KLHL4: variants seen among roughly 807,000 people sequenced by gnomAD.
KLHL4 encodes the protein kelch like family member 4, also known as kelch-like protein 4.
A neutral mutation model predicts 45.8 loss-of-function variants in KLHL4; 17 were observed. The ratio of observed to expected loss-of-function variants is 0.37; its 90% confidence interval spans 0.25 to 0.56. KLHL4 has a LOEUF of 0.56. Among genes scored for constraint, KLHL4 ranks in the 20% least tolerant of loss-of-function variants. The pLI is 0.79. For missense variants in KLHL4, 544 were observed against 544.9 expected (o/e 1.00, Z 0.02); for synonymous variants, 224 against 189.9 (o/e 1.18, Z -1.47).
At position 87,667,530 on chromosome X, in the gene KLHL4, C is replaced by T; in HGVS notation, c.*996C>T. On this transcript the variant is annotated 3_prime_UTR_variant, in exon 11 of 11. Coordinates refer to ENST00000373119, the MANE Select transcript of KLHL4 (RefSeq NM_019117.5). ...TCTATAGTTATCTTTTTTGTACCAA[C>T]ACATGCTTTTCTGTTACTGTTATAT... The T allele has an allele frequency of 1.4e-6, 1 of 711,323 alleles. No individual in the cohort carries two copies. The highest frequency in any genetic ancestry group is 7.2e-5 in the South Asian group (1 of 13,825). The allele number at this position is 711,323 out of a possible 1,213,427, so 58.6% of individuals were successfully genotyped here.
At chrX:87,641,410 A>G (rs1923454883) in intron 9 of KLHL4, among the ~76,000 whole-genome samples, 1 of 112,261 alleles carries the variant, frequency 8.9e-6, no homozygotes, top group Non-Finnish European at 1.9e-5. Flanking sequence ...GTCCCCTAGC[A>G]GGCCATTCCT....
chrX:87,657,688 T>C (rs1360447252), intron 9 of KLHL4, among the ~76,000 whole-genome samples: 1 of 111,552 alleles, frequency 9.0e-6, no homozygotes, highest in East Asian at 2.8e-4. Flanking sequence ...GTGGTGGTAG[T>C]AAGGTCTGTG....
At position 87,613,927 on chromosome X, in the gene KLHL4, A is replaced by G. The variant is rs929433504; in HGVS notation, c.473A>G (p.Gln158Arg). 1.7e-6 allele frequency: 2 copies of G among 1,205,789 alleles called. No homozygotes were observed. The highest frequency in any genetic ancestry group is 2.2e-6 in the Non-Finnish European group (2 of 891,507). ...EDMNATRSEEQFHVINHAEQT... is the reference protein window; with the variant it reads ...EDMNATRSEERFHVINHAEQT... ...ATGAATGCCACCAGATCTGAAGAGC[A>G]GTTCCATGTTATAAACCACGCAGAG... Residue 158 changes from glutamine to arginine, a missense_variant, in exon 2 of 11, where the codon CAG (glutamine) becomes CGG (arginine). By Grantham distance (43) the Gln-to-Arg change is conservative. Coordinates refer to ENST00000373119, the MANE Select transcript of KLHL4 (RefSeq NM_019117.5).
chrX:87,542,029 C>T (rs993850538), intron 1 of KLHL4, among the ~76,000 whole-genome samples: 3 of 111,906 alleles, frequency 2.7e-5, no homozygotes, highest in Admixed American at 9.5e-5. Flanking sequence ...TGCTGTTGCC[C>T]TAGAAATCTG....
intron 1 of KLHL4, among the ~76,000 whole-genome samples, chrX:87,518,778 T>G (rs1310395210): frequency 1.8e-5 from 2 of 111,829 alleles, no homozygotes; most frequent in Non-Finnish European, 3.8e-5. Flanking sequence ...CGATATTGAC[T>G]CTTAAAACTG....
intron 6 of KLHL4, among the ~76,000 whole-genome samples, chrX:87,631,701 C>A (rs941663975): frequency 9.0e-6 from 1 of 111,339 alleles, no homozygotes; most frequent in Non-Finnish European, 1.9e-5. Flanking sequence ...AAATAATTTT[C>A]ATTCCTGGTC....
chrX:87,547,235 G>A (rs768521051), intron 1 of KLHL4, among the ~76,000 whole-genome samples: 5 of 110,771 alleles, frequency 4.5e-5, no homozygotes, highest in East Asian at 2.9e-4. Flanking sequence ...TTGATTATGG[G>A]GTGGTTTTTT....
At chrX:87,549,406 T>C (rs1931761750) in intron 1 of KLHL4, among the ~76,000 whole-genome samples, 2 of 111,544 alleles carry the variant, frequency 1.8e-5, no homozygotes, top group Admixed American at 9.5e-5. Flanking sequence ...ATTTAATCTG[T>C]ACTATAAACT....
chrX:87,642,203 T>A (rs1448426778), intron 9 of KLHL4, among the ~76,000 whole-genome samples: 1 of 110,832 alleles, frequency 9.0e-6, no homozygotes, highest in Non-Finnish European at 1.9e-5. Flanking sequence ...CATAGATGGT[T>A]CACATCCCAG....
At chrX:87,660,847 A>C (rs2147842399) in intron 9 of KLHL4, among the ~76,000 whole-genome samples, 1 of 112,454 alleles carries the variant, frequency 8.9e-6, no homozygotes, top group Admixed American at 9.5e-5. Flanking sequence ...CTGTCTTTAA[A>C]AAACAAACAA....
intron 1 of KLHL4, among the ~76,000 whole-genome samples, chrX:87,557,314 T>C (rs1388873336): frequency 2.7e-5 from 3 of 111,946 alleles, no homozygotes. Flanking sequence ...AGTTTTCTTC[T>C]TGTCTTTTGA....
chrX:87,520,592 C>T (rs1930980617), intron 1 of KLHL4, among the ~76,000 whole-genome samples: 1 of 111,962 alleles, frequency 8.9e-6, no homozygotes, highest in Non-Finnish European at 1.9e-5. Flanking sequence ...GTTAAAAATT[C>T]AAATGTATTC....
chrX:87,668,540 C>T lies in KLHL4; in HGVS notation c.*2006C>T, dbSNP rs761547121. 3.2e-4 allele frequency: 220 copies of T among 697,006 alleles called. No individual in the cohort carries two copies. Among genetic ancestry groups the T allele is most frequent in the Non-Finnish European group, 3.6e-4 (210 of 588,725 alleles). 57.4% of individuals were successfully genotyped at this position (697,006 alleles called of 1,213,427 possible). On this transcript the variant is annotated 3_prime_UTR_variant, in exon 11 of 11. Coordinates refer to ENST00000373119, the MANE Select transcript of KLHL4 (RefSeq NM_019117.5). ...CTGTGGTTTGAATATTTTTTTCCCT[C>T]GAAAACTCATGTTGAAACTTAACTC...
At chrX:87,585,868 GC>G (rs1921453077) in intron 1 of KLHL4, among the ~76,000 whole-genome samples, 1 of 110,948 alleles carries the variant, frequency 9.0e-6, no homozygotes, top group Non-Finnish European at 1.9e-5. Context: ...TTGATCTTTT[GC>G]CTATGAGTAA....
intron 1 of KLHL4, among the ~76,000 whole-genome samples, chrX:87,575,366 A>T (rs1921066140): frequency 9.0e-6 from 1 of 111,412 alleles, no homozygotes; most frequent in Non-Finnish European, 1.9e-5. Context: ...GAATCCAATT[A>T]ATGCCTGATG....
At chrX:87,552,333 A>T (rs1301924291) in intron 1 of KLHL4, among the ~76,000 whole-genome samples, 1 of 111,294 alleles carries the variant, frequency 9.0e-6, no homozygotes, top group Non-Finnish European at 1.9e-5. Flanking sequence ...AATCAAAACC[A>T]CAATGCAATA....
intron 1 of KLHL4, among the ~76,000 whole-genome samples, chrX:87,557,669 C>A (rs1297794718): frequency 1.8e-5 from 2 of 110,871 alleles, no homozygotes; most frequent in East Asian, 2.9e-4. Flanking sequence ...TCCAAAAGCA[C>A]CAGTTTTAAA....
intron 1 of KLHL4, among the ~76,000 whole-genome samples, chrX:87,610,756 A>AT (rs1191315356): frequency 2.7e-5 from 3 of 111,586 alleles, no homozygotes; most frequent in Non-Finnish European, 5.6e-5. Flanking sequence ...AGCAGTGTAA[A>AT]TGAAAAAGGA....
At chrX:87,619,233 T>TA (rs1224413069) in intron 4 of KLHL4, among the ~76,000 whole-genome samples, 1 of 111,944 alleles carries the variant, frequency 8.9e-6, no homozygotes, top group Non-Finnish European at 1.9e-5. Context: ...AAATCATAAA[T>TA]AAAAGTAGCA....
Sources: gnomAD v4.1 joint callset for allele counts (sites outside exome capture counted in the v4.1 genomes callset) on GRCh38, gnomAD v4.1.1 for gene constraint, MANE v1.5 for transcripts, NCBI Gene and HGNC (gene_info 2026-07-23, HGNC 2026-07-21) for gene names.